PHKB: variants seen among roughly 807,000 people sequenced by gnomAD.
The protein encoded by PHKB is phosphorylase kinase regulatory subunit beta.
In PHKB, 122 loss-of-function variants were observed where a neutral mutation model predicts 152.1. The observed-to-expected ratio is 0.80, with a 90% CI of 0.69 to 0.93. The LOEUF is 0.93. Ranked by LOEUF, PHKB falls within the 40% of genes least tolerant of loss-of-function variation. The pLI, the probability that PHKB is intolerant of heterozygous loss-of-function variation, is 0.00. For missense variants in PHKB, 1,304 were observed against 1,328.4 expected (o/e 0.98, Z 0.29); for synonymous variants, 436 against 464.9 (o/e 0.94, Z 0.80).
intron 7 of PHKB, among the ~76,000 whole-genome samples, chr16:47,550,409 C>T (rs1215142921): frequency 6.6e-6 from 1 of 152,206 alleles, no homozygotes; most frequent in Non-Finnish European, 1.5e-5. Context: ...AAACTGTTCT[C>T]ATAATTTCAG....
Position 47,699,561 on chromosome 16 carries a change from G to A in PHKB, c.*195G>A, listed in dbSNP as rs889624940. 1 of 650,218 alleles carries A rather than the reference G, an allele frequency of 1.5e-6. No homozygotes were observed. Among genetic ancestry groups the A allele is most frequent in the Admixed American group, 2.3e-5 (1 of 42,768 alleles). 40.3% of individuals were successfully genotyped at this position (650,218 alleles called of 1,614,324 possible). A position where few individuals can be genotyped will look rare whatever the true frequency, so the allele number is the denominator to read the frequency against. On this transcript the variant is annotated 3_prime_UTR_variant, in exon 31 of 31. Transcript: ENST00000323584. Reference sequence around the variant, plus strand: ...GGTAATGGTAAATGCTTTTAATCAAGCAGGAAAAAGTTCTCATGATTATGC... The same window carrying A: ...GGTAATGGTAAATGCTTTTAATCAAACAGGAAAAAGTTCTCATGATTATGC...
At chr16:47,644,464 C>T (rs1339686388) in intron 16 of PHKB, among the ~76,000 whole-genome samples, 1 of 152,150 alleles carries the variant, frequency 6.6e-6, no homozygotes, top group South Asian at 2.1e-4. Flanking sequence ...AGATACAAAC[C>T]CAACTCTCAC....
chr16:47,549,059 A>C (rs954155413), intron 7 of PHKB, among the ~76,000 whole-genome samples: 1 of 152,214 alleles, frequency 6.6e-6, no homozygotes, highest in Non-Finnish European at 1.5e-5. Context: ...TACAGTATAG[A>C]CCAGAATAGT....
At chr16:47,495,295 T>G (rs1236227014) in intron 1 of PHKB, among the ~76,000 whole-genome samples, 1 of 152,042 alleles carries the variant, frequency 6.6e-6, no homozygotes, top group Non-Finnish European at 1.5e-5. Context: ...ATCTAAAATC[T>G]TGGTATAAAT....
intron 5 of PHKB, among the ~76,000 whole-genome samples, chr16:47,514,465 C>G (rs1328193291): frequency 6.6e-6 from 1 of 152,212 alleles, no homozygotes; most frequent in African/African-American, 2.4e-5. Flanking sequence ...ACCTGGAGTT[C>G]TGATGTCCAA....
At position 47,650,887 on chromosome 16, in the gene PHKB, T is replaced by C. The variant is rs1279413322; in HGVS notation, c.1937T>C (p.Ile646Thr). 2.5e-6 allele frequency: 4 copies of C among 1,613,686 alleles called. No homozygotes were observed. The highest frequency in any genetic ancestry group is 4.5e-5 in the East Asian group (2 of 44,884). The change falls in exon 20 of 31, where the codon ATT (isoleucine) becomes ACT (threonine). Residue 646 changes from isoleucine to threonine, a missense_variant. Ile to Thr is a moderately conservative substitution (Grantham distance 89). Transcript: ENST00000323584. ...DMLAALKKGI[I>T]GGVKVHVDRL... ...CTGGCAGCCCTTAAAAAAGGAATAA[T>C]TGGAGGAGTCAAAGTTCATGTGGAT...
chr16:47,500,940 G>GT (rs1970315234), intron 3 of PHKB, among the ~76,000 whole-genome samples: 1 of 152,140 alleles, frequency 6.6e-6, no homozygotes, highest in African/African-American at 2.4e-5. Context: ...TTACTGATGT[G>GT]TTGGATTTTA....
chr16:47,692,046 G>A (rs539050888), intron 27 of PHKB, among the ~76,000 whole-genome samples: 15 of 152,256 alleles, frequency 9.9e-5, no homozygotes, highest in South Asian at 2.1e-4. Flanking sequence ...ACCCTTAGAC[G>A]TTTGAGCTTT....
chr16:47,489,587 C>T (rs1264270742), intron 1 of PHKB, among the ~76,000 whole-genome samples: 1 of 152,214 alleles, frequency 6.6e-6, no homozygotes, highest in Non-Finnish European at 1.5e-5. Flanking sequence ...TTTGTATCCT[C>T]AAATACCCTG....
rs1211337091 is a variant in PHKB at position 47,641,734 on chromosome 16, AC to A, written c.1608+43del. The A allele has an allele frequency of 2.8e-6, 3 of 1,053,678 alleles. No homozygotes were observed. The African/African-American group carries it at 4.7e-5, about 16-fold the overall frequency. The allele number at this position is 1,053,678 out of a possible 1,614,324, so 65.3% of individuals were successfully genotyped here. A position where few individuals can be genotyped will look rare whatever the true frequency, so the allele number is the denominator to read the frequency against. On this transcript the variant is annotated intron_variant, in intron 16 of 30. Transcript: ENST00000323584. ...TTTACTTTCCTTACTTTGTAGAGGTACTAGAGCTTGATGGTTGGACTTAGTT... is the reference window on the plus strand; with the variant it reads ...TTTACTTTCCTTACTTTGTAGAGGTATAGAGCTTGATGGTTGGACTTAGTT...
intron 7 of PHKB, among the ~76,000 whole-genome samples, chr16:47,567,139 A>G (rs1971583615): frequency 6.6e-6 from 1 of 152,106 alleles, no homozygotes. Context: ...AAATGACCTT[A>G]GTATTTTGAT....
chr16:47,655,354 A>G (rs1287069248), intron 20 of PHKB, among the ~76,000 whole-genome samples: 3 of 152,210 alleles, frequency 2.0e-5, no homozygotes, highest in Non-Finnish European at 4.4e-5. Context: ...AAATCAAAAT[A>G]CTTTCAAGCT....
intron 26 of PHKB, among the ~76,000 whole-genome samples, chr16:47,685,307 C>G (rs967133413): frequency 1.3e-5 from 2 of 152,214 alleles, no homozygotes; most frequent in African/African-American, 4.8e-5. Flanking sequence ...CGCCTGTAAT[C>G]CCAGCTACTC....
At chr16:47,478,302 A>G (rs1247314555) in intron 1 of PHKB, among the ~76,000 whole-genome samples, 5 of 152,150 alleles carry the variant, frequency 3.3e-5, no homozygotes, top group African/African-American at 1.2e-4. Context: ...GCGTCAAGTA[A>G]CATGACAGCT....
At chr16:47,532,886 G>A (rs1472496833) in intron 6 of PHKB, among the ~76,000 whole-genome samples, 2 of 152,254 alleles carry the variant, frequency 1.3e-5, no homozygotes, top group East Asian at 1.9e-4. Flanking sequence ...ATTGGGAAGA[G>A]TGAGGTATGC....
At chr16:47,598,897 T>C (rs1372481495) in intron 13 of PHKB, 12 of 1,596,378 alleles carry the variant, frequency 7.5e-6, no homozygotes, top group Non-Finnish European at 9.4e-6. Flanking sequence ...AGGGATTTCC[T>C]CAAGAACGTC....
intron 8 of PHKB, among the ~76,000 whole-genome samples, chr16:47,582,788 C>CTTCTTTCT (rs762024594): frequency 6.6e-6 from 1 of 151,952 alleles, no homozygotes; most frequent in Non-Finnish European, 1.5e-5. Context: ...CAGATAATGT[C>CTTCTTTCT]TTCTTTCTTT....
At chr16:47,490,261 A>G (rs1384597279) in intron 1 of PHKB, among the ~76,000 whole-genome samples, 1 of 152,232 alleles carries the variant, frequency 6.6e-6, no homozygotes, top group Non-Finnish European at 1.5e-5. Context: ...ATCACTTACT[A>G]TAAACCATCT....
intron 7 of PHKB, among the ~76,000 whole-genome samples, chr16:47,563,151 T>C (rs903958139): frequency 6.6e-6 from 1 of 151,674 alleles, no homozygotes; most frequent in African/African-American, 2.4e-5. Context: ...TCCATGACAT[T>C]TGGAATCAGC....
Sources: gnomAD v4.1 joint callset for allele counts (sites outside exome capture counted in the v4.1 genomes callset) on GRCh38, gnomAD v4.1.1 for gene constraint, MANE v1.5 for transcripts, NCBI Gene and HGNC (gene_info 2026-07-23, HGNC 2026-07-21) for gene names.